PIAS1: variants seen among roughly 807,000 people sequenced by gnomAD.
PIAS1 encodes the protein E3 SUMO-protein ligase PIAS1.
A neutral mutation model predicts 71.3 loss-of-function variants in PIAS1; 6 were observed. That is an observed-to-expected ratio of 0.08 (90% confidence interval 0.05 to 0.17). The LOEUF (loss-of-function observed/expected upper bound fraction) is 0.17. PIAS1 is among the 10% of genes least tolerant of loss of function. The pLI is 1.00. For synonymous variants in PIAS1, 303 were observed against 292.9 expected (o/e 1.03, Z -0.35); for missense variants, 555 against 793.6 (o/e 0.70, Z 3.61).
chr15:68,057,920 T>C (rs1029005217), intron 1 of PIAS1, among the ~76,000 whole-genome samples: 3 of 152,256 alleles, frequency 2.0e-5, no homozygotes, highest in Non-Finnish European at 4.4e-5. Context: ...TCCCATTGTC[T>C]TTTTCTTCAA....
intron 2 of PIAS1, among the ~76,000 whole-genome samples, chr15:68,112,453 T>A (rs1351656761): frequency 6.6e-6 from 1 of 152,180 alleles, no homozygotes; most frequent in Non-Finnish European, 1.5e-5. Flanking sequence ...AGGTAGGTTT[T>A]TGACTAGCTC....
At chr15:68,156,928 G>C (rs530339499) in intron 7 of PIAS1, among the ~76,000 whole-genome samples, 5 of 152,128 alleles carry the variant, frequency 3.3e-5, no homozygotes, top group African/African-American at 9.7e-5. Context: ...ATGCAGTGAG[G>C]CCAGTTGAGA....
intron 2 of PIAS1, among the ~76,000 whole-genome samples, chr15:68,096,929 G>C (rs1183294084): frequency 1.3e-5 from 2 of 152,044 alleles, no homozygotes; most frequent in Admixed American, 1.3e-4. Flanking sequence ...TAATTGCTCT[G>C]GCTAGTACTT....
chr15:68,146,837 A>G (rs1263371305), intron 6 of PIAS1, 137 bp downstream of exon 6: 2 of 725,810 alleles, frequency 2.8e-6, no homozygotes, highest in South Asian at 2.1e-5. Flanking sequence ...AATTTTCAAC[A>G]TGTTTCCATT....
intron 7 of PIAS1, among the ~76,000 whole-genome samples, chr15:68,161,347 T>G (rs1246571865): frequency 6.6e-6 from 1 of 152,186 alleles, no homozygotes; most frequent in Admixed American, 6.5e-5. Flanking sequence ...ATTGAAAGAT[T>G]CTATTGTTGT....
Position 68,146,763 on chromosome 15 carries a change from A to G in PIAS1, c.828+63A>G, listed in dbSNP as rs576273919. On this transcript the variant is annotated intron_variant, in intron 6 of 13. Coordinates refer to ENST00000249636, the MANE Select transcript of PIAS1 (RefSeq NM_016166.3). ...TAAGGAGGGGTTAATCACCATGCCT[A>G]TCTGAATTTATATGTAAATTATGTA... 16 of 1,141,432 alleles carry G rather than the reference A, an allele frequency of 1.4e-5. No individual in the cohort carries two copies. In the East Asian group the frequency reaches 1.7e-4, roughly 12 times the overall value. 70.7% of individuals were successfully genotyped at this position (1,141,432 alleles called of 1,614,324 possible). A position where few individuals can be genotyped will look rare whatever the true frequency, so the allele number is the denominator to read the frequency against.
chr15:68,094,498 A>G (rs575979773), intron 2 of PIAS1, among the ~76,000 whole-genome samples: 60 of 152,112 alleles, frequency 3.9e-4, no homozygotes, highest in Non-Finnish European at 7.2e-4. Flanking sequence ...GGTTTCTGCT[A>G]CATCTTAATA....
At chr15:68,104,117 T>A (rs551554825) in intron 2 of PIAS1, among the ~76,000 whole-genome samples, 29 of 152,326 alleles carry the variant, frequency 1.9e-4, no homozygotes, top group African/African-American at 6.3e-4. Flanking sequence ...ATGCCTTTTT[T>A]AATATAGTCA....
In PIAS1 at chr15:68,191,132, G is replaced by T. The variant is rs1003060688; in HGVS notation, c.*3297G>T. The T allele has an allele frequency of 6.6e-6, 1 of 152,520 alleles. No homozygotes were observed. The highest frequency in any genetic ancestry group is 1.5e-5 in the Non-Finnish European group (1 of 68,026). The allele number at this position is 152,520 out of a possible 1,614,324, so 9.4% of individuals were successfully genotyped here. On this transcript the variant is annotated 3_prime_UTR_variant, in exon 14 of 14. Coordinates refer to ENST00000249636, the MANE Select transcript of PIAS1 (RefSeq NM_016166.3). ...AATTAAATACAAAGCTTAGATTTCA[G>T]AAAGAGAGGGAAAATAGCTGGTGGT... is the stretch of plus-strand genomic sequence containing the variant.
At chr15:68,164,860 T>C in intron 8 of PIAS1, 56 bp downstream of exon 8, 1 of 922,494 alleles carries the variant, frequency 1.1e-6, no homozygotes, top group Non-Finnish European at 1.7e-6. Flanking sequence ...TTTCTCTTTT[T>C]ATTAAGTATT....
chr15:68,145,870 T>C lies in PIAS1; in HGVS notation c.657T>C (p.Leu219=), dbSNP rs1487916352. 6.2e-7 allele frequency: 1 copy of C among 1,612,152 alleles called. No homozygotes were observed. The highest frequency in any genetic ancestry group is 8.5e-7 in the Non-Finnish European group (1 of 1,178,532). Residue 219 remains leucine, a synonymous_variant, in exon 5 of 14, where the codon CTT becomes CTC. Coordinates refer to ENST00000249636, the MANE Select transcript of PIAS1 (RefSeq NM_016166.3). ...AAGAAGATCACTTCCCACCCAATCTTTGTGTGAAAGTGAATACAAAACCTT... is the reference window on the plus strand; with the variant it reads ...AAGAAGATCACTTCCCACCCAATCTCTGTGTGAAAGTGAATACAAAACCTT... ...CPQEDHFPPN[L]CVKVNTKPCS...
In PIAS1 at chr15:68,185,811, A is replaced by G. The variant is rs539043970; in HGVS notation, c.1663-1731A>G. Among the ~76,000 whole-genome samples the G allele has an allele frequency of 1.5e-3, 229 of 152,174 alleles. No homozygotes were observed. The highest frequency in any genetic ancestry group is 5.4e-3 in the African/African-American group (224 of 41,502). On this transcript the variant is annotated intron_variant, in intron 13 of 13. Coordinates refer to ENST00000249636, the MANE Select transcript of PIAS1 (RefSeq NM_016166.3). The surrounding 1 kb of genome is among the most constrained non-coding windows in gnomAD (Gnocchi z 4.4). ...ACCCCGTCTCTACTAAAAATACAAA[A>G]ATTAGCTGGGCGTGGTGCTACACGC...
At chr15:68,176,370 C>T (rs2093020134) in intron 10 of PIAS1, 104 bp from the exon 11 acceptor site, 2 of 664,734 alleles carry the variant, frequency 3.0e-6, no homozygotes, top group South Asian at 8.4e-5. Context: ...CTGGCTCCAA[C>T]AATATTGTGA....
intron 2 of PIAS1, among the ~76,000 whole-genome samples, chr15:68,120,235 T>C (rs184765447): frequency 1.3e-3 from 199 of 151,778 alleles, no homozygotes; most frequent in African/African-American, 4.5e-3. Flanking sequence ...AAACAGGTTA[T>C]AGTTGTCTTT....
intron 4 of PIAS1, among the ~76,000 whole-genome samples, chr15:68,142,561 G>A (rs1012987716): frequency 1.3e-5 from 2 of 151,952 alleles, no homozygotes; most frequent in African/African-American, 4.8e-5. Flanking sequence ...AGATATTTGG[G>A]TGAGGGAAAA....
chr15:68,168,832 T>G (rs992606336), intron 8 of PIAS1, among the ~76,000 whole-genome samples: 2 of 152,220 alleles, frequency 1.3e-5, no homozygotes, highest in African/African-American at 4.8e-5. Context: ...TCAGCGTTCC[T>G]TAAAAACTCT....
chr15:68,138,521 C>G (rs183472783), intron 2 of PIAS1, among the ~76,000 whole-genome samples: 4 of 152,288 alleles, frequency 2.6e-5, no homozygotes, highest in African/African-American at 9.6e-5. Flanking sequence ...GTTGCCCAGG[C>G]TGGAGTGCAG....
At chr15:68,166,264 T>C (rs2092957304) in intron 8 of PIAS1, among the ~76,000 whole-genome samples, 1 of 152,036 alleles carries the variant, frequency 6.6e-6, no homozygotes, top group Non-Finnish European at 1.5e-5. Flanking sequence ...TTAAAAATTC[T>C]TTAAGTAACC....
intron 2 of PIAS1, among the ~76,000 whole-genome samples, chr15:68,092,384 C>G (rs1034763928): frequency 5.3e-5 from 8 of 152,052 alleles, no homozygotes; most frequent in Non-Finnish European, 1.0e-4. Context: ...GTTGGCCAGG[C>G]TTGTCTTGAA....
Sources: gnomAD v4.1 joint callset for allele counts (sites outside exome capture counted in the v4.1 genomes callset) on GRCh38, gnomAD v4.1.1 for gene constraint, Gnocchi (gnomAD v3.1) non-coding constraint, MANE v1.5 for transcripts, NCBI Gene and HGNC (gene_info 2026-07-23, HGNC 2026-07-21) for gene names.